The following MARCHF11 variants were observed in gnomAD, a reference collection of about 807,000 sequenced individuals.
The protein encoded by MARCHF11 is membrane associated ring-CH-type finger 11, also known as E3 ubiquitin-protein ligase MARCHF11.
MARCHF11 carries 29 observed loss-of-function variants against 37.3 expected under a neutral mutation model. The ratio of observed to expected loss-of-function variants is 0.78; its 90% CI spans 0.58 to 1.06. The LOEUF (loss-of-function observed/expected upper bound fraction) is 1.06. MARCHF11 is among the 50% of genes least tolerant of loss of function. The pLI is 0.00. For missense variants in MARCHF11, 482 were observed against 533.4 expected, an observed-to-expected ratio of 0.90 and a Z score of 0.95; for synonymous variants, 233 against 228.0, an observed-to-expected ratio of 1.02 and a Z score of -0.20.
intron 2 of MARCHF11, among the ~76,000 whole-genome samples, chr5:16,161,820 T>A (rs891387393): frequency 1.3e-5 from 2 of 151,980 alleles, no homozygotes; most frequent in African/African-American, 2.4e-5. Flanking sequence ...TATATTATCT[T>A]GAAAATTACA....
chr5:16,148,900 C>G (rs1204139122), intron 2 of MARCHF11, among the ~76,000 whole-genome samples: 1 of 152,096 alleles, frequency 6.6e-6, no homozygotes, highest in East Asian at 1.9e-4. Context: ...CAATAGTTCT[C>G]AGATAAATTT....
At chr5:16,141,015 T>C (rs1737693194) in intron 2 of MARCHF11, 1 of 152,484 alleles carries the variant, frequency 6.6e-6, no homozygotes, top group East Asian at 1.9e-4. Context: ...CCTAAAGTAA[T>C]GCTGAGGTCA....
At chr5:16,132,584 T>A (rs1427761872) in intron 2 of MARCHF11, among the ~76,000 whole-genome samples, 2 of 151,384 alleles carry the variant, frequency 1.3e-5, no homozygotes, top group Non-Finnish European at 1.5e-5. Context: ...AAACAAGGGG[T>A]TGTATTTGGA....
At chr5:16,130,373 T>C (rs555149007) in intron 2 of MARCHF11, among the ~76,000 whole-genome samples, 1 of 152,250 alleles carries the variant, frequency 6.6e-6, no homozygotes, top group Non-Finnish European at 1.5e-5. Context: ...GATCCTTAAC[T>C]TGAACACATT....
intron 2 of MARCHF11, among the ~76,000 whole-genome samples, chr5:16,116,106 C>T (rs959356443): frequency 2.0e-5 from 3 of 152,292 alleles, no homozygotes; most frequent in South Asian, 2.1e-4. Flanking sequence ...AGAAGATACA[C>T]TGCAGGTAAC....
At chr5:16,100,116 T>A (rs1171441984) in intron 2 of MARCHF11, among the ~76,000 whole-genome samples, 2 of 152,068 alleles carry the variant, frequency 1.3e-5, no homozygotes, top group African/African-American at 4.8e-5. Context: ...CTGGGATAAG[T>A]GTCCAAGACC....
At chr5:16,128,718 T>C (rs1393419329) in intron 2 of MARCHF11, among the ~76,000 whole-genome samples, 1 of 152,214 alleles carries the variant, frequency 6.6e-6, no homozygotes. Context: ...GAGTGGATTT[T>C]AGTTCACTGT....
At chr5:16,090,704 CG>C (rs1455539556) in intron 3 of MARCHF11, among the ~76,000 whole-genome samples, 184 bp downstream of exon 3, 1 of 151,538 alleles carries the variant, frequency 6.6e-6, no homozygotes, top group African/African-American at 2.4e-5. Flanking sequence ...TCAAACTACA[CG>C]GGAATATAGA....
chr5:16,112,499 C>A (rs186396649), intron 2 of MARCHF11, among the ~76,000 whole-genome samples: 1 of 152,116 alleles, frequency 6.6e-6, no homozygotes, highest in African/African-American at 2.4e-5. Flanking sequence ...CCATTTGGAA[C>A]GGCTGTATTT....
intron 2 of MARCHF11, among the ~76,000 whole-genome samples, chr5:16,095,168 A>T (rs1040619167): frequency 1.3e-5 from 2 of 152,116 alleles, no homozygotes; most frequent in African/African-American, 4.8e-5. Context: ...TCTCCTGATG[A>T]AGCTTCCCAG....
chr5:16,091,146 T>C, intron 2 of MARCHF11, 65 bp from the exon 3 acceptor site: 1 of 1,227,560 alleles, frequency 8.1e-7, no homozygotes. Flanking sequence ...AAAAAAACAT[T>C]TTCAGTCCTG....
chr5:16,097,193 G>C (rs1736883064), intron 2 of MARCHF11, among the ~76,000 whole-genome samples: 1 of 152,154 alleles, frequency 6.6e-6, no homozygotes, highest in African/African-American at 2.4e-5. Context: ...CACTAAAGTT[G>C]GGATTTGAAA....
chr5:16,160,898 G>A (rs1001118794), intron 2 of MARCHF11, among the ~76,000 whole-genome samples: 3 of 151,900 alleles, frequency 2.0e-5, no homozygotes, highest in South Asian at 2.1e-4. Context: ...GAACACAACC[G>A]TAGTTCGTGT....
intron 2 of MARCHF11, among the ~76,000 whole-genome samples, chr5:16,115,285 T>G (rs1737211002): frequency 6.6e-6 from 1 of 152,232 alleles, no homozygotes; most frequent in South Asian, 2.1e-4. Context: ...ACCCTTGCCC[T>G]AGATATGCAC....
chr5:16,106,217 AG>A (rs1342264581), intron 2 of MARCHF11, among the ~76,000 whole-genome samples: 1 of 152,194 alleles, frequency 6.6e-6, no homozygotes, highest in African/African-American at 2.4e-5. Context: ...GGCTCCAAGA[AG>A]GGGGAATGAG....
rs113282408 is a variant in MARCHF11 at position 16,095,590 on chromosome 5, C to T, written c.694-4509G>A. On this transcript the variant is annotated intron_variant, in intron 2 of 3. Coordinates refer to ENST00000332432, the MANE Select transcript of MARCHF11 (RefSeq NM_001102562.3). ...TTTGGTCCCTCTGTGTCTTTGAGCA[C>T]GCTCTTTCCTCAGCATGCAACGTCT... is the stretch of plus-strand genomic sequence containing the variant. Among the ~76,000 whole-genome samples the T allele has an allele frequency of 3.1e-3, 475 of 152,280 alleles. 1 individual carries two copies. Among genetic ancestry groups the T allele is most frequent in the African/African-American group, 0.011 (456 of 41,550 alleles).
chr5:16,087,821 C>T (rs1215843213), intron 3 of MARCHF11, among the ~76,000 whole-genome samples: 42 of 152,080 alleles, frequency 2.8e-4, no homozygotes, highest in Non-Finnish European at 5.9e-5. Context: ...ATAAATTTCC[C>T]CAAGTAAACA....
Position 16,142,614 on chromosome 5 carries a change from C to T in MARCHF11, c.693+35112G>A, listed in dbSNP as rs545216592. On this transcript the variant is annotated intron_variant, in intron 2 of 3. Transcript: ENST00000332432. ...TAGGGGACTCGCACATTTCTGGCTTCCACTACCCCGGCCTCCCTCTTTTTT... is the reference window on the plus strand; with the variant it reads ...TAGGGGACTCGCACATTTCTGGCTTTCACTACCCCGGCCTCCCTCTTTTTT... Among the ~76,000 whole-genome samples the T allele has an allele frequency of 2.0e-5, 3 of 152,100 alleles. No individual in the cohort carries two copies. In the East Asian group the frequency reaches 5.8e-4, roughly 29 times the overall value.
rs547653823 is a variant in MARCHF11 at position 16,140,111 on chromosome 5, C to A, written c.693+37615G>T. Among the ~76,000 whole-genome samples the A allele has an allele frequency of 2.6e-5, 4 of 152,162 alleles. No homozygotes were observed. In the South Asian group the frequency reaches 8.3e-4, roughly 32 times the overall value. On this transcript the variant is annotated intron_variant, in intron 2 of 3. Coordinates refer to ENST00000332432, the MANE Select transcript of MARCHF11 (RefSeq NM_001102562.3). ...CCAAGAATACAGTATTTGCAGAAAA[C>A]AGTGAAAATAGAATGTCCTCTATTG... is the stretch of plus-strand genomic sequence containing the variant.
Sources: gnomAD v4.1 joint callset for allele counts (sites outside exome capture counted in the v4.1 genomes callset) on GRCh38, gnomAD v4.1.1 for gene constraint, MANE v1.5 for transcripts, NCBI Gene and HGNC (gene_info 2026-07-23, HGNC 2026-07-21) for gene names.